The following RCAN2 variants were observed in gnomAD, a reference collection of about 807,000 sequenced individuals.
RCAN2 encodes the protein regulator of calcineurin 2.
A neutral mutation model predicts 23.6 loss-of-function variants in RCAN2; 9 were observed. That is an observed-to-expected ratio of 0.38 (90% CI 0.23 to 0.67). The LOEUF (loss-of-function observed/expected upper bound fraction) is 0.67, where lower values mean the gene tolerates loss of function less well. Ranked by LOEUF, RCAN2 falls within the 30% of genes least tolerant of loss-of-function variation. The pLI is 0.51. For synonymous variants in RCAN2, 109 were observed against 115.7 expected (o/e 0.94, Z 0.37); for missense variants, 273 against 302.3 (o/e 0.90, Z 0.72).
At chr6:46,328,642 C>G (rs1763868433) in intron 2 of RCAN2, among the ~76,000 whole-genome samples, 1 of 152,184 alleles carries the variant, frequency 6.6e-6, no homozygotes, top group Non-Finnish European at 1.5e-5. Flanking sequence ...GATACAGTCT[C>G]ATTCTATCAC....
intron 1 of RCAN2, among the ~76,000 whole-genome samples, chr6:46,465,012 T>C (rs909069940): frequency 2.6e-5 from 4 of 151,934 alleles, no homozygotes; most frequent in African/African-American, 9.7e-5. Flanking sequence ...GATTTGCAGA[T>C]CCTATATATT....
intron 2 of RCAN2, among the ~76,000 whole-genome samples, chr6:46,442,038 C>A (rs149629619): frequency 6.6e-6 from 1 of 152,200 alleles, no homozygotes; most frequent in Non-Finnish European, 1.5e-5. Flanking sequence ...AAAACTCTGA[C>A]TTTCTCTGGT....
At chr6:46,443,545 T>C (rs1429898902) in intron 2 of RCAN2, among the ~76,000 whole-genome samples, 6 of 152,272 alleles carry the variant, frequency 3.9e-5, no homozygotes, top group East Asian at 1.9e-4. Context: ...CTCCCTTTTC[T>C]TCTCCTTGAT....
intron 2 of RCAN2, among the ~76,000 whole-genome samples, chr6:46,456,106 T>C (rs1019089238): frequency 9.2e-5 from 14 of 152,162 alleles, no homozygotes; most frequent in Non-Finnish European, 1.5e-4. Context: ...CTAAGTTAAG[T>C]CTGTTTCTTA....
chr6:46,376,861 C>G (rs939291556), intron 2 of RCAN2, among the ~76,000 whole-genome samples: 4 of 151,994 alleles, frequency 2.6e-5, no homozygotes, highest in Non-Finnish European at 5.9e-5. Context: ...CACTTCCCCC[C>G]GCCCCGCACC....
chr6:46,407,267 C>A (rs1357542895), intron 2 of RCAN2, among the ~76,000 whole-genome samples: 2 of 152,156 alleles, frequency 1.3e-5, no homozygotes, highest in African/African-American at 4.8e-5. Context: ...TTAGATGAAA[C>A]CAGGTACAAA....
intron 2 of RCAN2, among the ~76,000 whole-genome samples, chr6:46,301,388 G>C (rs551559450): frequency 2.0e-4 from 30 of 152,136 alleles, no homozygotes; most frequent in African/African-American, 7.2e-4. Flanking sequence ...AGGACCCTGG[G>C]AACTTGGCCA....
intron 2 of RCAN2, among the ~76,000 whole-genome samples, chr6:46,302,332 G>C (rs1762928381): frequency 6.6e-6 from 1 of 152,056 alleles, no homozygotes; most frequent in Non-Finnish European, 1.5e-5. Context: ...TGCTATATTA[G>C]ACATCAAGCG....
At chr6:46,405,581 GT>G (rs1266036681) in intron 2 of RCAN2, among the ~76,000 whole-genome samples, 3 of 152,194 alleles carry the variant, frequency 2.0e-5, no homozygotes, top group African/African-American at 7.2e-5. Context: ...GATACAGAGT[GT>G]CGATTGGTGC....
rs57590590 is a variant in RCAN2 at position 46,479,583 on chromosome 6, C to CTTT, written c.-3+11587_-3+11589dup. ...TGCCGTGCAGTAGGGTCTGTCTCACCTTTTTTTTTTTTTTTTTTTTTTGAG... is the reference window on the plus strand; with the variant it reads ...TGCCGTGCAGTAGGGTCTGTCTCACCTTTTTTTTTTTTTTTTTTTTTTTTTGAG... On this transcript the variant is annotated intron_variant, in intron 1 of 4. Transcript: ENST00000371374. Among the ~76,000 whole-genome samples the CTTT allele has an allele frequency of 1.1e-3, 99 of 89,228 alleles. 2 individuals are homozygous for CTTT. The highest frequency in any genetic ancestry group is 1.4e-3 in the Non-Finnish European group (64 of 46,704). The allele number at this position is 89,228 out of a possible 152,430, so 58.5% of individuals were successfully genotyped here.
In RCAN2 at chr6:46,272,649, G is replaced by A. The variant is rs374488798; in HGVS notation, c.226-23753C>T. Among the ~76,000 whole-genome samples the A allele has an allele frequency of 3.3e-5, 5 of 152,226 alleles. No individual in the cohort carries two copies. In the East Asian group the frequency reaches 9.6e-4, roughly 29 times the overall value. On this transcript the variant is annotated intron_variant, in intron 2 of 4. Coordinates refer to ENST00000371374, the MANE Select transcript of RCAN2 (RefSeq NM_001251974.2). ...AAATGCTTTTCTGTTATAAAACTGT[G>A]TTAACATTCTTTGTCTTTTTGGTCA...
chr6:46,401,385 A>T (rs546399469), intron 2 of RCAN2, among the ~76,000 whole-genome samples: 1 of 152,290 alleles, frequency 6.6e-6, no homozygotes, highest in East Asian at 1.9e-4. Context: ...TACAGTTTGA[A>T]CATGGGGGAG....
chr6:46,388,838 C>T (rs1351118216), intron 2 of RCAN2, among the ~76,000 whole-genome samples: 5 of 152,098 alleles, frequency 3.3e-5, no homozygotes, highest in Non-Finnish European at 5.9e-5. Flanking sequence ...GGACAAATAG[C>T]TAATGCATGT....
chr6:46,405,900 A>G (rs1766386469), intron 2 of RCAN2, among the ~76,000 whole-genome samples: 1 of 152,186 alleles, frequency 6.6e-6, no homozygotes, highest in Non-Finnish European at 1.5e-5. Flanking sequence ...GCAGGTCCCG[A>G]GCCCTGCCCC....
At chr6:46,381,781 G>A (rs189753400) in intron 2 of RCAN2, among the ~76,000 whole-genome samples, 2 of 152,110 alleles carry the variant, frequency 1.3e-5, no homozygotes, top group African/African-American at 2.4e-5. Flanking sequence ...TGACAGCATA[G>A]AGCTGTCCTA....
intron 2 of RCAN2, among the ~76,000 whole-genome samples, chr6:46,374,208 A>T (rs1765400507): frequency 6.6e-6 from 1 of 152,128 alleles, no homozygotes; most frequent in Admixed American, 6.5e-5. Flanking sequence ...CCCAGTACCT[A>T]TTATATCAAA....
At chr6:46,313,519 T>C (rs1763331971) in intron 2 of RCAN2, among the ~76,000 whole-genome samples, 1 of 152,228 alleles carries the variant, frequency 6.6e-6, no homozygotes, top group South Asian at 2.1e-4. Flanking sequence ...TATCTTCTTT[T>C]TACATATAAG....
chr6:46,224,431 C>T (rs896756720), intron 4 of RCAN2, among the ~76,000 whole-genome samples: 1 of 152,184 alleles, frequency 6.6e-6, no homozygotes, highest in Non-Finnish European at 1.5e-5. Flanking sequence ...GAAGACCCTG[C>T]GTAATCTCTC....
At chr6:46,393,587 T>C (rs1406713945) in intron 2 of RCAN2, among the ~76,000 whole-genome samples, 1 of 152,216 alleles carries the variant, frequency 6.6e-6, no homozygotes, top group East Asian at 1.9e-4. Flanking sequence ...TGGCTTGTAA[T>C]ACTTGTACCC....
Sources: gnomAD v4.1 joint callset for allele counts (sites outside exome capture counted in the v4.1 genomes callset) on GRCh38, gnomAD v4.1.1 for gene constraint, MANE v1.5 for transcripts, NCBI Gene and HGNC (gene_info 2026-07-23, HGNC 2026-07-21) for gene names.